Variants in GNAO1 observed in about 807,000 individuals in gnomAD.
GNAO1 encodes guanine nucleotide-binding protein G(o) subunit alpha.
For missense variants in GNAO1, 166 were observed against 478.7 expected, an observed-to-expected ratio of 0.35 and a Z score of 6.10; for synonymous variants, 164 against 180.7, an observed-to-expected ratio of 0.91 and a Z score of 0.74.
At chr16:56,315,746 A>T (rs1237978916) in intron 3 of GNAO1, among the ~76,000 whole-genome samples, 1 of 152,196 alleles carries the variant, frequency 6.6e-6, no homozygotes, top group African/African-American at 2.4e-5. Context: ...TTCTGTTGCT[A>T]ATGAAAGTGA....
chr16:56,328,261 G>A (rs1462537738), intron 3 of GNAO1, among the ~76,000 whole-genome samples: 4 of 152,220 alleles, frequency 2.6e-5, no homozygotes, highest in African/African-American at 9.6e-5. Context: ...AAGCAGAGCT[G>A]CTGGTTGAGT....
chr16:56,287,418 C>T lies in GNAO1; in HGVS notation c.303+11346C>T, dbSNP rs191348509. The stretch of plus-strand genomic sequence containing the variant: ...TAGCACTAGTCACCTGACTGACTGA[C>T]CCTCAGGTTCCTCATCTGAAAACTG... On this transcript the variant is annotated intron_variant, in intron 3 of 8. Transcript: ENST00000262493. 5.1e-4 allele frequency among the ~76,000 whole-genome samples: 77 copies of T among 152,342 alleles called. 2 individuals carry two copies. Among genetic ancestry groups the T allele is most frequent in the Admixed American group, 5.0e-3 (76 of 15,312 alleles).
chr16:56,256,710 CTCTCTCTCTGTGTGTGTGTG>C (rs1354199146), intron 2 of GNAO1, among the ~76,000 whole-genome samples: 94 of 120,510 alleles, frequency 7.8e-4, no homozygotes, highest in Admixed American at 1.6e-3. Flanking sequence ...CTCTCTCTCT[CTCTCTCTCTGTGTGTGTGTG>C]TGTGTGTGTG....
At chr16:56,204,077 T>C (rs1324499065) in intron 2 of GNAO1, among the ~76,000 whole-genome samples, 1 of 151,962 alleles carries the variant, frequency 6.6e-6, no homozygotes, top group East Asian at 1.9e-4. Flanking sequence ...GGGAGAGATT[T>C]TGGAGGCAGG....
At chr16:56,266,518 G>GA (rs1161612472) in intron 2 of GNAO1, among the ~76,000 whole-genome samples, 2 of 152,270 alleles carry the variant, frequency 1.3e-5, no homozygotes, top group Non-Finnish European at 2.9e-5. Context: ...ATACTGTCTG[G>GA]CCCCCCAGCA....
chr16:56,258,785 A>C (rs1449089408), intron 2 of GNAO1, among the ~76,000 whole-genome samples: 1 of 152,238 alleles, frequency 6.6e-6, no homozygotes, highest in African/African-American at 2.4e-5. Context: ...AGTTTCCTGC[A>C]GCTCCTCTGG....
At chr16:56,201,512 G>A (rs1407443099) in intron 2 of GNAO1, among the ~76,000 whole-genome samples, 2 of 152,222 alleles carry the variant, frequency 1.3e-5, no homozygotes, top group African/African-American at 4.8e-5. Context: ...TGCCACCTGA[G>A]GGTTGGCATT....
At chr16:56,221,161 G>A (rs2036482773) in intron 2 of GNAO1, among the ~76,000 whole-genome samples, 1 of 152,178 alleles carries the variant, frequency 6.6e-6, no homozygotes, top group African/African-American at 2.4e-5. Context: ...ACTAGACACT[G>A]AATGCCAGTG....
At chr16:56,318,412 G>C (rs1312319585) in intron 3 of GNAO1, among the ~76,000 whole-genome samples, 1 of 152,244 alleles carries the variant, frequency 6.6e-6, no homozygotes, top group South Asian at 2.1e-4. Flanking sequence ...GATGGCCGCC[G>C]GGCCCGGCCC....
chr16:56,280,973 G>A (rs1449460900), intron 3 of GNAO1, among the ~76,000 whole-genome samples: 2 of 151,982 alleles, frequency 1.3e-5, no homozygotes, highest in South Asian at 2.1e-4. Flanking sequence ...GAAAAGGGTG[G>A]GCCTAATTTG....
At chr16:56,266,512 T>C (rs1198764758) in intron 2 of GNAO1, among the ~76,000 whole-genome samples, 1 of 152,206 alleles carries the variant, frequency 6.6e-6, no homozygotes, top group Non-Finnish European at 1.5e-5. Context: ...ACATGGATAC[T>C]GTCTGGCCCC....
intron 2 of GNAO1, among the ~76,000 whole-genome samples, chr16:56,237,984 C>T (rs2036655571): frequency 1.3e-5 from 2 of 152,306 alleles, no homozygotes. Flanking sequence ...TTTCTCAAAA[C>T]TTTGGGCCAG....
At chr16:56,325,470 C>T (rs2037621955) in intron 3 of GNAO1, among the ~76,000 whole-genome samples, 1 of 152,146 alleles carries the variant, frequency 6.6e-6, no homozygotes, top group Non-Finnish European at 1.5e-5. Context: ...GAGCAAAACT[C>T]CATCTCAAAT....
chr16:56,321,187 T>C (rs1030275705), intron 3 of GNAO1, among the ~76,000 whole-genome samples: 1 of 152,216 alleles, frequency 6.6e-6, no homozygotes, highest in Admixed American at 6.5e-5. Flanking sequence ...GGGGGCATAA[T>C]AGGACTATTT....
intron 1 of GNAO1, 32 bp from the exon 2 acceptor site, chr16:56,192,542 C>T (rs1331831955): frequency 2.7e-6 from 4 of 1,482,352 alleles, no homozygotes; most frequent in Non-Finnish European, 3.8e-6. Context: ...CTGACACTCA[C>T]CAGTTTTTCC....
intron 2 of GNAO1, among the ~76,000 whole-genome samples, chr16:56,254,775 A>G (rs530038190): frequency 6.6e-6 from 1 of 152,138 alleles, no homozygotes; most frequent in African/African-American, 2.4e-5. Context: ...AGTTGCTTCA[A>G]ATTTCATCTT....
chr16:56,277,510 T>A (rs1356198473), intron 3 of GNAO1, among the ~76,000 whole-genome samples: 1 of 152,152 alleles, frequency 6.6e-6, no homozygotes, highest in Non-Finnish European at 1.5e-5. Context: ...GTACAGTGCT[T>A]CATTCTTCTT....
intron 6 of GNAO1, among the ~76,000 whole-genome samples, chr16:56,339,085 T>C (rs866932467): frequency 6.6e-6 from 1 of 152,360 alleles, no homozygotes; most frequent in Middle Eastern, 3.4e-3. Context: ...GGGATGACTT[T>C]GCAACCTGAC....
At chr16:56,346,927 A>C (rs1318685602) in intron 6 of GNAO1, 24 of 985,308 alleles carry the variant, frequency 2.4e-5, no homozygotes, top group Non-Finnish European at 2.8e-5. Flanking sequence ...TTTGGCCAAC[A>C]TGAGTCCTGC....
Sources: gnomAD v4.1 joint callset for allele counts (sites outside exome capture counted in the v4.1 genomes callset) on GRCh38, gnomAD v4.1.1 for gene constraint, MANE v1.5 for transcripts, NCBI Gene and HGNC (gene_info 2026-07-23, HGNC 2026-07-21) for gene names.